Variants in C6 observed in about 807,000 individuals in gnomAD.
C6 encodes complement component C6.
A neutral mutation model predicts 112.9 loss-of-function variants in C6; 101 were observed. The observed-to-expected ratio is 0.89, with a 90% CI of 0.76 to 1.06. The LOEUF (loss-of-function observed/expected upper bound fraction) is 1.06. Ranked by LOEUF, C6 falls within the 50% of genes least tolerant of loss-of-function variation. The pLI is 0.00. For missense variants in C6, 1,202 were observed against 1,104.6 expected (o/e 1.09, Z -1.25); for synonymous variants, 431 against 384.1 (o/e 1.12, Z -1.43).
intron 11 of C6, 128 bp downstream of exon 11, chr5:41,160,014 A>G (rs1747321138): frequency 5.2e-6 from 4 of 767,414 alleles, no homozygotes; most frequent in African/African-American, 1.7e-5. Flanking sequence ...TTGCAGGTTT[A>G]TCTTCCCTCT....
At chr5:41,201,966 C>A (rs1751068211) in intron 2 of C6, among the ~76,000 whole-genome samples, 1 of 152,020 alleles carries the variant, frequency 6.6e-6, no homozygotes, top group African/African-American at 2.4e-5. Context: ...ACAGCAAAGG[C>A]AGATCATTAA....
chr5:41,208,752 C>T (rs1469780982), intron 1 of C6, among the ~76,000 whole-genome samples: 2 of 151,970 alleles, frequency 1.3e-5, no homozygotes, highest in African/African-American at 4.8e-5. Context: ...CAAAAAAAGT[C>T]CAGGACCAGA....
intron 1 of C6, among the ~76,000 whole-genome samples, chr5:41,228,717 T>C (rs1739686783): frequency 6.6e-6 from 1 of 152,190 alleles, no homozygotes; most frequent in Admixed American, 6.5e-5. Flanking sequence ...GATGATAATA[T>C]GGTTTTTGTT....
At chr5:41,234,369 T>TTGTTTTTTG (rs200816062) in intron 1 of C6, among the ~76,000 whole-genome samples, 1 of 150,330 alleles carries the variant, frequency 6.7e-6, no homozygotes, top group African/African-American at 2.5e-5. Context: ...TTTTTGTTTT[T>TTGTTTTTTG]TTTTTTTGCT....
chr5:41,232,267 T>C (rs746095072), intron 1 of C6, among the ~76,000 whole-genome samples: 4 of 152,116 alleles, frequency 2.6e-5, no homozygotes, highest in Non-Finnish European at 4.4e-5. Flanking sequence ...TGTGGCCGTC[T>C]TAGTAGCCCT....
intron 1 of C6, among the ~76,000 whole-genome samples, chr5:41,245,583 T>C (rs1740974397): frequency 6.6e-6 from 1 of 152,210 alleles, no homozygotes; most frequent in South Asian, 2.1e-4. Flanking sequence ...AAGTTTTTAG[T>C]TAACATTTCA....
intron 8 of C6, among the ~76,000 whole-genome samples, chr5:41,175,555 G>A (rs1416589863): frequency 6.6e-6 from 1 of 152,158 alleles, no homozygotes; most frequent in Non-Finnish European, 1.5e-5. Context: ...TTTTGGTGAT[G>A]GGGCTTTAAC....
intron 1 of C6, among the ~76,000 whole-genome samples, chr5:41,235,950 T>G (rs201782293): frequency 0.13 from 82 of 626 alleles, 9 homozygotes; most frequent in Admixed American, 0.2. Flanking sequence ...TAAATTTGTT[T>G]GAGTTCATTG....
chr5:41,161,497 T>G (rs1480901602), intron 10 of C6, among the ~76,000 whole-genome samples, 196 bp downstream of exon 10: 1 of 152,162 alleles, frequency 6.6e-6, no homozygotes, highest in African/African-American at 2.4e-5. Context: ...ACTGTACTGT[T>G]GAATGCTTGT....
intron 15 of C6, among the ~76,000 whole-genome samples, chr5:41,150,830 T>A (rs566537953): frequency 6.7e-6 from 1 of 149,264 alleles, no homozygotes; most frequent in South Asian, 2.1e-4. Context: ...GAGGTTGCAG[T>A]GAGCCGAGAT....
chr5:41,232,237 C>A (rs997689339), intron 1 of C6, among the ~76,000 whole-genome samples: 1 of 152,016 alleles, frequency 6.6e-6, no homozygotes, highest in South Asian at 2.1e-4. Flanking sequence ...TATGTTTCCC[C>A]CTCTGCGTAT....
intron 5 of C6, among the ~76,000 whole-genome samples, chr5:41,189,218 A>G (rs570579981): frequency 1.3e-5 from 2 of 152,186 alleles, no homozygotes; most frequent in African/African-American, 4.8e-5. Context: ...AATAGTTGGG[A>G]GTTCTTCAAA....
chr5:41,164,938 C>T (rs927291035), intron 9 of C6, among the ~76,000 whole-genome samples: 1 of 152,134 alleles, frequency 6.6e-6, no homozygotes, highest in Non-Finnish European at 1.5e-5. Context: ...TCACTGCCCA[C>T]GCCTGGAAAT....
intron 1 of C6, among the ~76,000 whole-genome samples, chr5:41,227,159 T>C (rs1417948322): frequency 1.3e-5 from 2 of 152,198 alleles, no homozygotes; most frequent in African/African-American, 4.8e-5. Flanking sequence ...TTAACAGGTG[T>C]GTGGTGATAC....
intron 1 of C6, among the ~76,000 whole-genome samples, chr5:41,211,268 A>C (rs150313399): frequency 0.045 from 6,804 of 151,934 alleles, 164 homozygotes; most frequent in Middle Eastern, 0.071. Context: ...GCATAGCATT[A>C]GGACATATAC....
intron 9 of C6, among the ~76,000 whole-genome samples, chr5:41,164,480 G>C (rs577173967): frequency 6.6e-6 from 1 of 152,286 alleles, no homozygotes; most frequent in Non-Finnish European, 1.5e-5. Context: ...GGTCCAGGGA[G>C]GGGGAAGAAC....
At chr5:41,159,754 T>C (rs1233482121) in intron 11 of C6, among the ~76,000 whole-genome samples, 1 of 152,216 alleles carries the variant, frequency 6.6e-6, no homozygotes, top group African/African-American at 2.4e-5. Context: ...GCCATCCTTC[T>C]ATATTACAAT....
chr5:41,257,073 T>G lies in C6; in HGVS notation c.-21+4121A>C, dbSNP rs373292985. 1.8e-4 allele frequency among the ~76,000 whole-genome samples: 27 copies of G among 152,332 alleles called. No homozygotes were observed. The South Asian group carries it at 5.6e-3, about 32-fold the overall frequency. ...GGTTCAGTGATTACATGTTCAGGTT[T>G]GTTACAACGGTAAATTGCATTTCAC... is the stretch of plus-strand genomic sequence containing the variant. On this transcript the variant is annotated intron_variant, in intron 1 of 17. Coordinates refer to the C6 transcript ENST00000263413.
intron 1 of C6, among the ~76,000 whole-genome samples, chr5:41,224,778 G>T (rs1739386193): frequency 6.6e-6 from 1 of 152,106 alleles, no homozygotes; most frequent in African/African-American, 2.4e-5. Context: ...GAGTGGAGTT[G>T]CTGGGTCATA....
Sources: allele counts gnomAD v4.1 joint callset (sites outside exome capture counted in the v4.1 genomes callset), GRCh38; gene constraint gnomAD v4.1.1; transcripts MANE v1.5; gene names NCBI Gene and HGNC (gene_info 2026-07-23, HGNC 2026-07-21).